The following LRRC9 variants were observed in gnomAD, a reference collection of about 807,000 sequenced individuals.
LRRC9 encodes leucine rich repeat containing 9.
Under a neutral mutation model 63.2 loss-of-function variants are expected in LRRC9, and 122 were observed. That is an observed-to-expected ratio of 1.93 (90% CI 1.67 to 2.24). LRRC9 has a LOEUF of 2.24. Ranked by LOEUF, LRRC9 falls within the 30% of genes most tolerant of loss-of-function variation. The pLI, the probability that LRRC9 is intolerant of heterozygous loss-of-function variation, is 0.00. For missense variants in LRRC9, 1,071 were observed against 627.7 expected, an observed-to-expected ratio of 1.71 and a Z score of -7.55; for synonymous variants, 366 against 213.1, an observed-to-expected ratio of 1.72 and a Z score of -6.25.
chr14:59,935,413 G>A lies in LRRC9; in HGVS notation c.544-2977G>A, dbSNP rs117400915. On this transcript the variant is annotated intron_variant, in intron 6 of 31. Transcript: ENST00000445360. ...ATAAGGATAAGATGGGCATTTATAC[G>A]ACATTGGTAATCATTAAAATGATAG... 2.6e-3 allele frequency among the ~76,000 whole-genome samples: 389 copies of A among 152,004 alleles called. 1 individual carries two copies. The highest frequency in any genetic ancestry group is 6.2e-3 in the Admixed American group (94 of 15,266).
At chr14:60,014,481 T>C (rs896215915) in intron 23 of LRRC9, among the ~76,000 whole-genome samples, 1 of 152,042 alleles carries the variant, frequency 6.6e-6, no homozygotes, top group African/African-American at 2.4e-5. Flanking sequence ...TATGAGAATG[T>C]CTTGCTTTCT....
intron 6 of LRRC9, among the ~76,000 whole-genome samples, chr14:59,934,724 TA>T (rs1414668351): frequency 1.3e-5 from 2 of 152,186 alleles, no homozygotes; most frequent in African/African-American, 4.8e-5. Context: ...GATACTACAC[TA>T]AATCTTTAAA....
chr14:60,001,409 G>A (rs1369723598), intron 19 of LRRC9, among the ~76,000 whole-genome samples: 1 of 152,076 alleles, frequency 6.6e-6, no homozygotes, highest in Non-Finnish European at 1.5e-5. Flanking sequence ...ATGAACTACA[G>A]CTACATAGAG....
Position 60,024,826 on chromosome 14 carries a change from CATTCTCCCCCT to C in LRRC9, c.3703+1957_3703+1967del, listed in dbSNP as rs1228237142. Among the ~76,000 whole-genome samples, 12 of 151,968 alleles carry C rather than the reference CATTCTCCCCCT, an allele frequency of 7.9e-5. No individual in the cohort carries two copies. The East Asian group carries it at 2.3e-3, about 30-fold the overall frequency. ...AATTTTTCAACCCTCACCCCCCTCC[CATTCTCCCCCT>C]TTTTGCGGTGTACTTATTGTTGGAG... On this transcript the variant is annotated intron_variant, in intron 27 of 31. Transcript: ENST00000445360.
chr14:59,939,096 T>C (rs1489741406), intron 7 of LRRC9, among the ~76,000 whole-genome samples: 1 of 131,486 alleles, frequency 7.6e-6, no homozygotes, highest in Non-Finnish European at 1.6e-5. Context: ...TATATACATA[T>C]ATATACACAC....
intron 28 of LRRC9, among the ~76,000 whole-genome samples, chr14:60,029,258 A>C (rs997816915): frequency 2.0e-5 from 3 of 152,096 alleles, no homozygotes; most frequent in Non-Finnish European, 4.4e-5. Context: ...AAATAATTTC[A>C]ATGACACACA....
intron 29 of LRRC9, among the ~76,000 whole-genome samples, chr14:60,052,349 G>T (rs916817689): frequency 1.3e-5 from 2 of 152,192 alleles, no homozygotes; most frequent in East Asian, 3.9e-4. Context: ...GCTGCAATTT[G>T]TATGTTATGT....
chr14:59,929,190 C>G (rs560980189), intron 3 of LRRC9, among the ~76,000 whole-genome samples: 1 of 151,778 alleles, frequency 6.6e-6, no homozygotes, highest in African/African-American at 2.4e-5. Context: ...AGGTCTAATA[C>G]CCAGCATCTA....
At chr14:59,989,679 CTCTG>C (rs1332222370) in intron 17 of LRRC9, among the ~76,000 whole-genome samples, 1 of 152,044 alleles carries the variant, frequency 6.6e-6, no homozygotes, top group African/African-American at 2.4e-5. Context: ...TAATATTAAC[CTCTG>C]TCTTCCCCCT....
At chr14:59,984,374 CT>C (rs1887238728) in intron 16 of LRRC9, among the ~76,000 whole-genome samples, 1 of 152,168 alleles carries the variant, frequency 6.6e-6, no homozygotes, top group South Asian at 2.1e-4. Flanking sequence ...ATACTTGATA[CT>C]GTAGTCAGTT....
In LRRC9 at chr14:60,002,319, T is replaced by G. The variant is rs1007802038; in HGVS notation, c.2664+219T>G. On this transcript the variant is annotated intron_variant, in intron 20 of 31. Transcript: ENST00000445360. ...AACTTTAGTCATTAACTTTAGTCGT[T>G]AAAGTTATCGTTAACTTTGATGTTG... Among the ~76,000 whole-genome samples the G allele has an allele frequency of 1.2e-4, 19 of 152,330 alleles. 1 individual carries two copies. The highest frequency in any genetic ancestry group is 8.5e-4 in the Admixed American group (13 of 15,302).
intron 18 of LRRC9, among the ~76,000 whole-genome samples, 171 bp from the exon 19 acceptor site, chr14:59,998,930 T>C (rs1240712875): frequency 6.6e-6 from 1 of 152,092 alleles, no homozygotes; most frequent in East Asian, 1.9e-4. Flanking sequence ...AACAGATTAA[T>C]TATTCAACAT....
chr14:59,939,150 G>A (rs1339365138), intron 7 of LRRC9, among the ~76,000 whole-genome samples: 1 of 150,192 alleles, frequency 6.7e-6, no homozygotes, highest in African/African-American at 2.4e-5. Context: ...TAACAGAAAT[G>A]TAACAACCAC....
chr14:60,058,999 C>A lies in LRRC9; in HGVS notation c.4276+977C>A, dbSNP rs1894478114. On this transcript the variant is annotated intron_variant, in intron 31 of 31. Transcript: ENST00000445360. This position sits in a 1 kb window ranked among gnomAD's most constrained non-coding sequence, Gnocchi z 4.4. The stretch of plus-strand genomic sequence containing the variant: ...AATTGGGCATACCAAATTGTTATTA[C>A]CTCCTTAACAGAACAAAGTCATCTT... 6.6e-6 allele frequency: 1 copy of A among 152,122 alleles called. No individual in the cohort carries two copies. The highest frequency in any genetic ancestry group is 2.4e-5 in the African/African-American group (1 of 41,414). The allele number at this position is 152,122 out of a possible 1,614,324, so 9.4% of individuals were successfully genotyped here.
chr14:60,050,909 T>G (rs1311635096), intron 29 of LRRC9, among the ~76,000 whole-genome samples: 1 of 152,100 alleles, frequency 6.6e-6, no homozygotes, highest in East Asian at 1.9e-4. Flanking sequence ...GTATATCCAG[T>G]GAAGGCTGCA....
intron 20 of LRRC9, 58 bp downstream of exon 20, chr14:60,002,158 C>T: frequency 1.6e-6 from 1 of 632,918 alleles, no homozygotes; most frequent in South Asian, 1.8e-5. Flanking sequence ...ATTTTTAAGT[C>T]AGTGTTGGTC....
intron 29 of LRRC9, among the ~76,000 whole-genome samples, chr14:60,041,488 C>T (rs992478576): frequency 6.6e-5 from 10 of 152,126 alleles, no homozygotes; most frequent in South Asian, 2.1e-4. Flanking sequence ...TCATTTCATT[C>T]GTTTGATGTT....
At chr14:60,009,769 G>A (rs219376) in intron 23 of LRRC9, among the ~76,000 whole-genome samples, 5 of 152,052 alleles carry the variant, frequency 3.3e-5, no homozygotes, top group Non-Finnish European at 7.4e-5. Context: ...AGAGACAATG[G>A]GGGTACAGGC....
intron 8 of LRRC9, 73 bp downstream of exon 8, chr14:59,944,817 C>A (rs930135800): frequency 3.6e-6 from 2 of 562,422 alleles, no homozygotes; most frequent in African/African-American, 3.9e-5. Context: ...CAAGCAATAT[C>A]TTTTAAATTA....
Sources: gnomAD v4.1 joint callset for allele counts (sites outside exome capture counted in the v4.1 genomes callset) on GRCh38, gnomAD v4.1.1 for gene constraint, Gnocchi (gnomAD v3.1) non-coding constraint, MANE v1.5 for transcripts, NCBI Gene and HGNC (gene_info 2026-07-23, HGNC 2026-07-21) for gene names.